The following SESN2 variants were observed in gnomAD, a reference collection of about 807,000 sequenced individuals.
SESN2 encodes sestrin 2.
A neutral mutation model predicts 56.0 loss-of-function variants in SESN2; 42 were observed. The observed-to-expected ratio is 0.75, with a 90% CI of 0.59 to 0.97. The LOEUF (loss-of-function observed/expected upper bound fraction) is 0.97. Among genes scored for constraint, SESN2 ranks in the 50% least tolerant of loss-of-function variants. The probability of loss-of-function intolerance (pLI) is 0.00; values close to 1 mark genes in which losing one functional copy is unlikely to be tolerated. For missense variants in SESN2, 507 were observed against 649.4 expected (o/e 0.78, Z 2.38); for synonymous variants, 264 against 267.1 (o/e 0.99, Z 0.11).
At chr1:28,272,225 A>C (rs970214864) in intron 3 of SESN2, 59 bp from the exon 4 acceptor site, 2 of 1,576,246 alleles carry the variant, frequency 1.3e-6, no homozygotes, top group Non-Finnish European at 1.7e-6. Context: ...TGGGGTACCC[A>C]CCCTGAGCCA....
At chr1:28,264,517 A>G (rs1054084059) in intron 1 of SESN2, among the ~76,000 whole-genome samples, 2 of 151,806 alleles carry the variant, frequency 1.3e-5, no homozygotes, top group African/African-American at 4.9e-5. Context: ...TCTGTCCCAC[A>G]CTAGCTGTTA....
In SESN2 at chr1:28,278,801, C is replaced by T. The variant is rs554617760; in HGVS notation, c.1212-296C>T. Among the ~76,000 whole-genome samples, 3 of 152,334 alleles carry T rather than the reference C, an allele frequency of 2.0e-5. No homozygotes were observed. In the South Asian group the frequency reaches 6.2e-4, roughly 32 times the overall value. On this transcript the variant is annotated intron_variant, in intron 8 of 9. Transcript: ENST00000253063. The stretch of plus-strand genomic sequence containing the variant: ...TGATGAATGTAGCAGATTGCATACA[C>T]CATCCAGTCATGTACACAGTAGTGT...
At chr1:28,262,631 A>AAAAAC (rs1260391143) in intron 1 of SESN2, among the ~76,000 whole-genome samples, 1 of 148,912 alleles carries the variant, frequency 6.7e-6, no homozygotes, top group East Asian at 2.0e-4. Flanking sequence ...CAAAAAAAAA[A>AAAAAC]AAAAAAAAAA....
intron 9 of SESN2, among the ~76,000 whole-genome samples, chr1:28,280,239 C>G (rs1334192849): frequency 6.6e-6 from 1 of 152,130 alleles, no homozygotes; most frequent in Non-Finnish European, 1.5e-5. Flanking sequence ...TGCTGTATTT[C>G]AAGGTTGCTG....
intron 2 of SESN2, among the ~76,000 whole-genome samples, chr1:28,270,080 A>G (rs1327755702): frequency 2.0e-5 from 3 of 152,206 alleles, no homozygotes; most frequent in Non-Finnish European, 4.4e-5. Context: ...TGCCGGCCGC[A>G]GTGGCTCACG....
At chr1:28,279,572 G>C (rs1004555473) in intron 9 of SESN2, among the ~76,000 whole-genome samples, 4 of 151,342 alleles carry the variant, frequency 2.6e-5, no homozygotes, top group African/African-American at 9.7e-5. Context: ...TTTGAGATGA[G>C]TCTCCCTTTG....
intron 1 of SESN2, among the ~76,000 whole-genome samples, chr1:28,267,509 C>T (rs1411446358): frequency 2.6e-5 from 4 of 152,054 alleles, no homozygotes; most frequent in South Asian, 2.1e-4. Flanking sequence ...TTTTGGTTCC[C>T]GGATACCTGA....
In SESN2 at chr1:28,274,274, G is replaced by C. The variant is rs529255620; in HGVS notation, c.1020+116G>C. The C allele has an allele frequency of 2.9e-5, 21 of 728,390 alleles. No individual in the cohort carries two copies. The East Asian group carries it at 5.3e-4, about 18-fold the overall frequency. The allele number at this position is 728,390 out of a possible 1,614,324, so 45.1% of individuals were successfully genotyped here. A position where few individuals can be genotyped will look rare whatever the true frequency, so the allele number is the denominator to read the frequency against. On this transcript the variant is annotated intron_variant, in intron 7 of 9. Coordinates refer to ENST00000253063, the MANE Select transcript of SESN2 (RefSeq NM_031459.5). The stretch of plus-strand genomic sequence containing the variant: ...CAGCTGGGCATGGTAGCTCACACCT[G>C]TAATCCCAGCACTTTGGGAAGCCAA...
intron 7 of SESN2, among the ~76,000 whole-genome samples, chr1:28,274,507 G>A (rs1169289688): frequency 1.3e-5 from 2 of 152,016 alleles, no homozygotes; most frequent in Non-Finnish European, 2.9e-5. Flanking sequence ...CTCCAGCCTG[G>A]GTGACAGCAA....
At chr1:28,276,930 G>A (rs1181334035) in intron 8 of SESN2, among the ~76,000 whole-genome samples, 10 of 144,976 alleles carry the variant, frequency 6.9e-5, no homozygotes, top group Admixed American at 1.4e-4. Flanking sequence ...TTTTTGAGAC[G>A]GAGTCTCGCT....
At chr1:28,267,692 A>AC (rs1647605372) in intron 1 of SESN2, among the ~76,000 whole-genome samples, 1 of 152,046 alleles carries the variant, frequency 6.6e-6, no homozygotes, top group African/African-American at 2.4e-5. Flanking sequence ...TCCTTCCTGA[A>AC]CCCCATCTCT....
intron 8 of SESN2, among the ~76,000 whole-genome samples, chr1:28,277,032 T>C (rs923936721): frequency 1.3e-5 from 2 of 151,786 alleles, no homozygotes; most frequent in Admixed American, 1.3e-4. Context: ...CTCAGCCTCC[T>C]GAGTACCTGG....
In SESN2 at chr1:28,274,929, C is replaced by T; in HGVS notation, c.1125C>T (p.Tyr375=). 6.2e-7 allele frequency: 1 copy of T among 1,614,188 alleles called. No individual in the cohort carries two copies. Among genetic ancestry groups the T allele is most frequent in the South Asian group, 1.1e-5 (1 of 91,082 alleles). Residue 375 remains tyrosine (Y), a synonymous_variant, in exon 8 of 10, where the codon TAC becomes TAT. Coordinates refer to ENST00000253063, the MANE Select transcript of SESN2 (RefSeq NM_031459.5). ...EKFQAAYSLT[Y]NTIAMHSGVD... The stretch of plus-strand genomic sequence containing the variant: ...TCCAGGCAGCCTATAGCCTCACCTA[C>T]AATACCATCGCCATGCACAGTGGTG...
At chr1:28,262,963 C>T (rs926256059) in intron 1 of SESN2, among the ~76,000 whole-genome samples, 1 of 152,098 alleles carries the variant, frequency 6.6e-6, no homozygotes, top group African/African-American at 2.4e-5. Context: ...TCTCAGACAT[C>T]ATTTCTTCTT....
At chr1:28,264,567 C>T (rs1486324569) in intron 1 of SESN2, among the ~76,000 whole-genome samples, 3 of 151,648 alleles carry the variant, frequency 2.0e-5, no homozygotes, top group Non-Finnish European at 1.5e-5. Flanking sequence ...TTGCACTTTT[C>T]TTGTTCTGTT....
intron 8 of SESN2, among the ~76,000 whole-genome samples, chr1:28,277,414 C>T (rs1456755515): frequency 6.6e-6 from 1 of 152,112 alleles, no homozygotes; most frequent in East Asian, 1.9e-4. Flanking sequence ...TGGTGTTTCA[C>T]CATGTTGGAC....
intron 2 of SESN2, among the ~76,000 whole-genome samples, chr1:28,270,468 T>G (rs1647727542): frequency 6.6e-6 from 1 of 152,204 alleles, no homozygotes; most frequent in Non-Finnish European, 1.5e-5. Context: ...TCTACTCCTT[T>G]GTAAATATAA....
At chr1:28,278,808 G>A (rs11247766) in intron 8 of SESN2, among the ~76,000 whole-genome samples, 57,511 of 152,044 alleles carry the variant, frequency 0.38, 11,857 homozygotes, top group African/African-American at 0.54. Context: ...ACACCATCCA[G>A]TCATGTACAC....
intron 8 of SESN2, among the ~76,000 whole-genome samples, chr1:28,275,807 A>G (rs779981775): frequency 1.1e-3 from 164 of 152,044 alleles, no homozygotes; most frequent in Non-Finnish European, 1.8e-3. Flanking sequence ...TAATCCCAGC[A>G]CTTTGGGATG....
Sources: allele counts gnomAD v4.1 joint callset (sites outside exome capture counted in the v4.1 genomes callset), GRCh38; gene constraint gnomAD v4.1.1; transcripts MANE v1.5; gene names NCBI Gene and HGNC (gene_info 2026-07-23, HGNC 2026-07-21).